Variants in SPRY3 observed in about 807,000 individuals in gnomAD.
SPRY3 encodes sprouty RTK signaling antagonist 3.
SPRY3 carries 15 observed loss-of-function variants against 20.2 expected under a neutral mutation model. That is an observed-to-expected ratio of 0.74 (90% CI 0.50 to 1.14). SPRY3 has a LOEUF of 1.14. SPRY3 is among the 50% of genes most tolerant of loss of function. The probability of loss-of-function intolerance (pLI) is 0.00; values close to 1 mark genes in which losing one functional copy is unlikely to be tolerated. For missense variants in SPRY3, 364 were observed against 363.9 expected (o/e 1.00, Z 0.00); for synonymous variants, 143 against 136.5 (o/e 1.05, Z -0.33).
Position 155,653,580 on chromosome X carries a change from C to G in SPRY3, c.-440-3287C>G, listed in dbSNP as rs138625301. On this transcript the variant is annotated intron_variant, in intron 1 of 3. Transcript: ENST00000675360. ...ATGTTTGGGTTTATTTCTGGATTCT[C>G]AATTCCATTTCAGTGATTTATAGAT... Among the ~76,000 whole-genome samples, 68 of 111,740 alleles carry G rather than the reference C, an allele frequency of 6.1e-4. No individual in the cohort carries two copies. The East Asian group carries it at 0.017, about 29-fold the overall frequency.
chrX:155,619,465 A>G (rs1018506828), intron 1 of SPRY3, among the ~76,000 whole-genome samples: 4 of 110,858 alleles, frequency 3.6e-5, no homozygotes, highest in African/African-American at 9.8e-5. Context: ...GCCTTTGAAC[A>G]GGGAAATTCT....
rs760917802 is a variant in SPRY3 at position 155,773,424 on chromosome X, A to T, written c.-106-342A>T. ...GAAAATAGCCTTTGCAGTTAATATT[A>T]GGTTCCATTTGTATTAGAATTCTGA... On this transcript the variant is annotated intron_variant, in intron 3 of 3. Transcript: ENST00000675360. Among the ~76,000 whole-genome samples the T allele has an allele frequency of 7.3e-5, 11 of 150,348 alleles. No individual in the cohort carries two copies. The South Asian group carries it at 2.3e-3, about 32-fold the overall frequency.
chrX:155,766,984 C>T (rs1202980670), intron 2 of SPRY3, among the ~76,000 whole-genome samples: 1 of 152,020 alleles, frequency 6.6e-6, no homozygotes, highest in African/African-American at 2.4e-5. Flanking sequence ...TGCAATCACT[C>T]GGCACAGGCT....
chrX:155,663,547 G>A (rs1356086185), intron 2 of SPRY3, among the ~76,000 whole-genome samples: 4 of 111,412 alleles, frequency 3.6e-5, no homozygotes, highest in Non-Finnish European at 7.6e-5. Context: ...CTCATGAGGG[G>A]AAACAATAGA....
At chrX:155,740,978 C>T (rs1257823198) in intron 2 of SPRY3, among the ~76,000 whole-genome samples, 9 of 151,920 alleles carry the variant, frequency 5.9e-5, no homozygotes, top group East Asian at 3.9e-4. Context: ...CTCAGCCGGC[C>T]GACACTTATG....
chrX:155,669,411 T>A (rs2068033642), intron 2 of SPRY3, among the ~76,000 whole-genome samples: 2 of 111,232 alleles, frequency 1.8e-5, no homozygotes, highest in Admixed American at 1.9e-4. Context: ...TAGTGTTTAT[T>A]TCTAGAACAC....
intron 2 of SPRY3, among the ~76,000 whole-genome samples, chrX:155,708,165 G>T (rs188241996): frequency 1.3e-5 from 2 of 151,252 alleles, no homozygotes; most frequent in Non-Finnish European, 3.0e-5. Flanking sequence ...GTTTCCTTCA[G>T]CTCAAAGAGT....
At chrX:155,704,031 G>A (rs1158833424) in intron 2 of SPRY3, among the ~76,000 whole-genome samples, 6 of 151,732 alleles carry the variant, frequency 4.0e-5, no homozygotes, top group South Asian at 2.1e-4. Flanking sequence ...AAGGAAAGGC[G>A]TGTGCATTTC....
intron 1 of SPRY3, among the ~76,000 whole-genome samples, chrX:155,624,029 A>G (rs1470336068): frequency 8.9e-6 from 1 of 112,327 alleles, no homozygotes; most frequent in Non-Finnish European, 1.9e-5. Context: ...GTAATAAATC[A>G]TTGCAGTTTT....
chrX:155,722,579 C>T (rs2091067015), intron 2 of SPRY3, among the ~76,000 whole-genome samples: 1 of 151,258 alleles, frequency 6.6e-6, no homozygotes. Flanking sequence ...GAAAATTAAC[C>T]TTCACATGAA....
rs775344659 is a variant in SPRY3, at chrX:155,715,185, G to C, written c.-281-52777G>C. Reference sequence around the variant, plus strand: ...TAGCCACCACAGCTGGGAATGTGCTGGGTCTCCCCTGAAGTCAGCATATCT... The same window carrying C: ...TAGCCACCACAGCTGGGAATGTGCTCGGTCTCCCCTGAAGTCAGCATATCT... On this transcript the variant is annotated intron_variant, in intron 2 of 3. Coordinates refer to ENST00000675360, the Ensembl canonical transcript of SPRY3. 4.6e-5 allele frequency among the ~76,000 whole-genome samples: 7 copies of C among 152,222 alleles called. No homozygotes were observed. The South Asian group carries it at 6.2e-4, about 14-fold the overall frequency.
intron 2 of SPRY3, among the ~76,000 whole-genome samples, chrX:155,711,601 C>A (rs2090986866): frequency 6.6e-6 from 1 of 151,206 alleles, no homozygotes; most frequent in Non-Finnish European, 1.5e-5. Context: ...TTTTGAAAAC[C>A]AACTTTTGTT....
At chrX:155,770,203 A>C (rs900003796) in intron 3 of SPRY3, among the ~76,000 whole-genome samples, 1 of 152,192 alleles carries the variant, frequency 6.6e-6, no homozygotes, top group Non-Finnish European at 1.5e-5. Context: ...ACGTTGAGTC[A>C]TACTGTATCG....
At chrX:155,666,604 C>T (rs2068025287) in intron 2 of SPRY3, among the ~76,000 whole-genome samples, 1 of 111,339 alleles carries the variant, frequency 9.0e-6, no homozygotes, top group East Asian at 2.8e-4. Flanking sequence ...CCCAGGTTTC[C>T]GACTTGAGAG....
chrX:155,693,047 G>A (rs1224466222), intron 2 of SPRY3, among the ~76,000 whole-genome samples: 2 of 109,400 alleles, frequency 1.8e-5, no homozygotes, highest in Admixed American at 2.0e-4. Flanking sequence ...ACTTACCTCA[G>A]TTATACTTTG....
chrX:155,705,737 A>G (rs1328745075), intron 2 of SPRY3, among the ~76,000 whole-genome samples: 5 of 151,362 alleles, frequency 3.3e-5, no homozygotes, highest in Non-Finnish European at 5.9e-5. Flanking sequence ...ACAAAAATAA[A>G]CTTCAGAAAA....
chrX:155,667,727 G>C (rs1332269918), intron 2 of SPRY3, among the ~76,000 whole-genome samples: 2 of 110,888 alleles, frequency 1.8e-5, no homozygotes, highest in Admixed American at 1.9e-4. Context: ...TTTGACAAAG[G>C]ACTTGTGTTC....
At chrX:155,617,681 T>G (rs1271989474) in intron 1 of SPRY3, among the ~76,000 whole-genome samples, 1 of 110,731 alleles carries the variant, frequency 9.0e-6, no homozygotes, top group Non-Finnish European at 1.9e-5. Context: ...TGTCTTGGGG[T>G]TTCCAGCAAA....
At chrX:155,766,475 G>C (rs1297227484) in intron 2 of SPRY3, among the ~76,000 whole-genome samples, 1 of 152,270 alleles carries the variant, frequency 6.6e-6, no homozygotes, top group East Asian at 1.9e-4. Flanking sequence ...GTTTTACTCT[G>C]AACTGTCACC....
Sources: gnomAD v4.1 joint callset for allele counts (sites outside exome capture counted in the v4.1 genomes callset) on GRCh38, gnomAD v4.1.1 for gene constraint, MANE v1.5 for transcripts, NCBI Gene and HGNC (gene_info 2026-07-23, HGNC 2026-07-21) for gene names.